Variants in TMEM132D observed in about 807,000 individuals in gnomAD.
TMEM132D encodes the protein transmembrane protein 132D, also known as mature OL transmembrane protein.
A neutral mutation model predicts 62.3 loss-of-function variants in TMEM132D; 21 were observed. The observed-to-expected ratio is 0.34, with a 90% CI of 0.24 to 0.49. TMEM132D has a LOEUF of 0.49. TMEM132D is among the 20% of genes least tolerant of loss of function. TMEM132D has a pLI of 0.99. For missense variants in TMEM132D, 1,346 were observed against 1,402.8 expected, an observed-to-expected ratio of 0.96 and a Z score of 0.65; for synonymous variants, 621 against 575.6, an observed-to-expected ratio of 1.08 and a Z score of -1.13.
intron 5 of TMEM132D, among the ~76,000 whole-genome samples, chr12:129,146,874 G>A (rs1415324751): frequency 6.6e-6 from 1 of 152,146 alleles, no homozygotes; most frequent in African/African-American, 2.4e-5. Context: ...AGGTACTGCT[G>A]TTATCTTCAT....
chr12:129,266,695 G>T (rs1880705404), intron 4 of TMEM132D, among the ~76,000 whole-genome samples: 1 of 150,342 alleles, frequency 6.7e-6, no homozygotes, highest in African/African-American at 2.5e-5. Context: ...CTGCCAATGA[G>T]ACCAACGTCT....
chr12:129,760,904 A>G (rs539599875), intron 1 of TMEM132D, among the ~76,000 whole-genome samples: 3 of 152,086 alleles, frequency 2.0e-5, no homozygotes, highest in African/African-American at 7.2e-5. Flanking sequence ...GGGTCAGAAC[A>G]TGTGGTGTTT....
At chr12:129,075,295 TAAAC>T (rs763354388) in intron 8 of TMEM132D, among the ~76,000 whole-genome samples, 20 of 149,704 alleles carry the variant, frequency 1.3e-4, no homozygotes, top group Non-Finnish European at 2.5e-4. Flanking sequence ...GGGCCAGTAT[TAAAC>T]AATCCGTAAG....
chr12:129,180,712 C>G (rs1464744524), intron 5 of TMEM132D, among the ~76,000 whole-genome samples: 1 of 152,200 alleles, frequency 6.6e-6, no homozygotes, highest in Admixed American at 6.5e-5. Flanking sequence ...GTTTCCAGAT[C>G]TGCAGGAAGA....
chr12:129,736,014 A>G (rs949902095), intron 1 of TMEM132D, among the ~76,000 whole-genome samples: 1 of 152,162 alleles, frequency 6.6e-6, no homozygotes, highest in Non-Finnish European at 1.5e-5. Context: ...AACCTGGGCC[A>G]TGGATGTCAC....
chr12:129,424,034 C>A (rs1454922085), intron 3 of TMEM132D, among the ~76,000 whole-genome samples: 3 of 152,012 alleles, frequency 2.0e-5, no homozygotes, highest in Non-Finnish European at 2.9e-5. Flanking sequence ...AGCAAAGAAG[C>A]CTTTATTGTC....
At chr12:129,391,580 T>G (rs775704621) in intron 3 of TMEM132D, among the ~76,000 whole-genome samples, 1 of 152,214 alleles carries the variant, frequency 6.6e-6, no homozygotes, top group Non-Finnish European at 1.5e-5. Flanking sequence ...CCCCGCCCTG[T>G]GGACTAAGAT....
At chr12:129,516,617 T>C (rs1218710478) in intron 3 of TMEM132D, among the ~76,000 whole-genome samples, 1 of 152,194 alleles carries the variant, frequency 6.6e-6, no homozygotes, top group Non-Finnish European at 1.5e-5. Flanking sequence ...TATCTCCCAC[T>C]GGGTCCTTCC....
chr12:129,594,375 G>C (rs1235117114), intron 2 of TMEM132D, among the ~76,000 whole-genome samples: 1 of 152,168 alleles, frequency 6.6e-6, no homozygotes, highest in Non-Finnish European at 1.5e-5. Context: ...AAGTCCAGGG[G>C]AAATGAATAT....
In TMEM132D at chr12:129,511,229, G is replaced by A. The variant is rs1875488317; in HGVS notation, c.1115+19830C>T. Reference sequence around the variant, plus strand: ...CTCAGTAATTCCTAACCTGCCTTCTGTCACTATTGATTGGACTTCCCTTCT... The same window carrying A: ...CTCAGTAATTCCTAACCTGCCTTCTATCACTATTGATTGGACTTCCCTTCT... On this transcript the variant is annotated intron_variant, in intron 3 of 8. Coordinates refer to ENST00000422113, the MANE Select transcript of TMEM132D (RefSeq NM_133448.3). Among the ~76,000 whole-genome samples, 9 of 152,064 alleles carry A rather than the reference G, an allele frequency of 5.9e-5. No individual in the cohort carries two copies. In the South Asian group the frequency reaches 1.9e-3, roughly 32 times the overall value.
At position 129,827,268 on chromosome 12, in the gene TMEM132D, C is replaced by T. The variant is rs959403055; in HGVS notation, c.79+75993G>A. On this transcript the variant is annotated intron_variant, in intron 1 of 8. Transcript: ENST00000422113. This position sits in a 1 kb window ranked among gnomAD's most constrained non-coding sequence, Gnocchi z 9.7. ...TATTCCCATTTTGCAGATGAAGACA[C>T]TGAGGCTTGAAGAAACTAAGTAATT... 1.3e-5 allele frequency among the ~76,000 whole-genome samples: 2 copies of T among 152,166 alleles called. No homozygotes were observed. The highest frequency in any genetic ancestry group is 2.4e-5 in the African/African-American group (1 of 41,432).
chr12:129,181,810 C>T (rs1039538773), intron 5 of TMEM132D, among the ~76,000 whole-genome samples: 1 of 152,212 alleles, frequency 6.6e-6, no homozygotes, highest in Admixed American at 6.5e-5. Context: ...TCCTCTTCCT[C>T]TATGTAGAAG....
chr12:129,315,027 G>C (rs1051744511), intron 4 of TMEM132D, among the ~76,000 whole-genome samples: 2 of 152,136 alleles, frequency 1.3e-5, no homozygotes, highest in East Asian at 3.8e-4. Flanking sequence ...TCTTTCATCA[G>C]TTCTAGGAGC....
At chr12:129,582,882 C>G (rs1341748165) in intron 2 of TMEM132D, among the ~76,000 whole-genome samples, 1 of 152,102 alleles carries the variant, frequency 6.6e-6, no homozygotes, top group Non-Finnish European at 1.5e-5. Context: ...ACCTCGGCCT[C>G]CCAAAGTGCT....
intron 2 of TMEM132D, among the ~76,000 whole-genome samples, chr12:129,565,599 G>T (rs1877347653): frequency 6.6e-6 from 1 of 152,218 alleles, no homozygotes; most frequent in South Asian, 2.1e-4. Flanking sequence ...CATTCAATGG[G>T]TTGGGTGGCT....
In TMEM132D at chr12:129,640,058, AT is replaced by A. The variant is rs1195874431; in HGVS notation, c.968+59751del. On this transcript the variant is annotated intron_variant, in intron 2 of 8. Transcript: ENST00000422113. Reference sequence around the variant, plus strand: ...AAAAACCACACGTGTGCACACACACATACACACACACACACACACACGTAGA... The same window carrying A: ...AAAAACCACACGTGTGCACACACACAACACACACACACACACACACGTAGA... 7.9e-4 allele frequency among the ~76,000 whole-genome samples: 12 copies of A among 15,280 alleles called. No individual in the cohort carries two copies. In the East Asian group the frequency reaches 0.015, roughly 19 times the overall value. 10.0% of individuals were successfully genotyped at this position (15,280 alleles called of 152,430 possible). A position where few individuals can be genotyped will look rare whatever the true frequency, so the allele number is the denominator to read the frequency against.
At chr12:129,349,292 C>T (rs1566041225) in intron 3 of TMEM132D, among the ~76,000 whole-genome samples, 1 of 152,166 alleles carries the variant, frequency 6.6e-6, no homozygotes, top group Non-Finnish European at 1.5e-5. Context: ...CACAGGCACC[C>T]TAGGTCATTC....
chr12:129,673,342 A>G lies in TMEM132D; in HGVS notation c.968+26468T>C, dbSNP rs916472126. Among the ~76,000 whole-genome samples, 4 of 152,238 alleles carry G rather than the reference A, an allele frequency of 2.6e-5. No homozygotes were observed. In the South Asian group the frequency reaches 6.2e-4, roughly 24 times the overall value. On this transcript the variant is annotated intron_variant, in intron 2 of 8. Coordinates refer to ENST00000422113, the MANE Select transcript of TMEM132D (RefSeq NM_133448.3). ...AAAGTATTTGGAAGAGGAATAATGAAATAAAACTGGCAGACAATGACAATG... is the reference window on the plus strand; with the variant it reads ...AAAGTATTTGGAAGAGGAATAATGAGATAAAACTGGCAGACAATGACAATG...
intron 4 of TMEM132D, among the ~76,000 whole-genome samples, chr12:129,292,087 A>T (rs999947327): frequency 7.9e-5 from 12 of 152,184 alleles, no homozygotes; most frequent in African/African-American, 2.7e-4. Context: ...TGTTAGGATG[A>T]AATTAATAAG....
Sources: gnomAD v4.1 joint callset for allele counts (sites outside exome capture counted in the v4.1 genomes callset) on GRCh38, gnomAD v4.1.1 for gene constraint, Gnocchi (gnomAD v3.1) non-coding constraint, MANE v1.5 for transcripts, NCBI Gene and HGNC (gene_info 2026-07-23, HGNC 2026-07-21) for gene names.